Variants in MYT1L observed in about 807,000 individuals in gnomAD.
The protein encoded by MYT1L is myelin transcription factor 1 like.
MYT1L carries 12 observed loss-of-function variants against 126.7 expected under a neutral mutation model. That is an observed-to-expected ratio of 0.09 (90% CI 0.06 to 0.15). MYT1L has a LOEUF of 0.15. MYT1L is among the 10% of genes least tolerant of loss of function. The pLI is 1.00. For missense variants in MYT1L, 979 were observed against 1,585.2 expected, an observed-to-expected ratio of 0.62 and a Z score of 6.49; for synonymous variants, 541 against 604.2, an observed-to-expected ratio of 0.90 and a Z score of 1.53.
intron 3 of MYT1L, among the ~76,000 whole-genome samples, chr2:2,069,912 T>A (rs1021359679): frequency 7.3e-5 from 11 of 150,102 alleles, no homozygotes; most frequent in Non-Finnish European, 1.5e-4. Context: ...CACTTTTTGA[T>A]GGGGTTGTTT....
At chr2:2,299,422 G>C (rs2095750188) in intron 1 of MYT1L, among the ~76,000 whole-genome samples, 1 of 152,244 alleles carries the variant, frequency 6.6e-6, no homozygotes, top group Non-Finnish European at 1.5e-5. Flanking sequence ...GTTCGAACTG[G>C]TGTGGGCAGG....
At chr2:2,311,306 C>T (rs1192974727) in intron 1 of MYT1L, among the ~76,000 whole-genome samples, 1 of 152,180 alleles carries the variant, frequency 6.6e-6, no homozygotes, top group Non-Finnish European at 1.5e-5. Context: ...TGTGTGTGTC[C>T]AACTTGGATA....
intron 21 of MYT1L, among the ~76,000 whole-genome samples, chr2:1,818,022 A>T (rs1440475806): frequency 6.6e-6 from 1 of 152,162 alleles, no homozygotes; most frequent in Non-Finnish European, 1.5e-5. Context: ...AGCACCAGGG[A>T]TTCCAGATGA....
At chr2:2,326,472 C>G (rs776995120) in intron 1 of MYT1L, 1 of 152,242 alleles carries the variant, frequency 6.6e-6, no homozygotes. Context: ...CCACTGCAGT[C>G]TGAAAGCAAG....
chr2:2,329,977 T>C (rs1227952512), intron 1 of MYT1L, among the ~76,000 whole-genome samples: 1 of 152,124 alleles, frequency 6.6e-6, no homozygotes, highest in Non-Finnish European at 1.5e-5. Context: ...TGCTGTTTTT[T>C]TTTTTGAAAA....
chr2:2,046,633 C>T (rs1465845956), intron 4 of MYT1L, among the ~76,000 whole-genome samples: 2 of 152,210 alleles, frequency 1.3e-5, no homozygotes, highest in East Asian at 1.9e-4. Flanking sequence ...ACCAGTAGCT[C>T]GTCCCGGGTG....
intron 8 of MYT1L, among the ~76,000 whole-genome samples, chr2:1,952,825 C>CT (rs2057957785): frequency 1.2e-5 from 1 of 86,700 alleles, no homozygotes. Context: ...TCCTCTCTCC[C>CT]TCCCTCCTTC....
At chr2:1,827,099 A>G (rs2039468430) in intron 21 of MYT1L, 1 of 152,356 alleles carries the variant, frequency 6.6e-6, no homozygotes, top group African/African-American at 2.4e-5. Flanking sequence ...GCCTGGACAC[A>G]GCGCAGCAAC....
intron 9 of MYT1L, among the ~76,000 whole-genome samples, chr2:1,931,302 T>G (rs1018449379): frequency 2.6e-5 from 4 of 152,228 alleles, no homozygotes; most frequent in South Asian, 2.1e-4. Context: ...TCACGTCTGC[T>G]GGGCCTTGCA....
intron 21 of MYT1L, among the ~76,000 whole-genome samples, chr2:1,813,135 T>C (rs2036958218): frequency 6.6e-6 from 1 of 152,148 alleles, no homozygotes; most frequent in Admixed American, 6.5e-5. Flanking sequence ...CTTTCGACTT[T>C]CCCTGTGTTT....
intron 4 of MYT1L, among the ~76,000 whole-genome samples, chr2:2,013,802 C>T (rs2064079899): frequency 6.6e-6 from 1 of 152,256 alleles, no homozygotes; most frequent in Non-Finnish European, 1.5e-5. Flanking sequence ...TAACACAAAG[C>T]ACCCATGTGG....
chr2:2,037,553 T>A (rs2067001523), intron 4 of MYT1L, among the ~76,000 whole-genome samples: 1 of 151,660 alleles, frequency 6.6e-6, no homozygotes, highest in South Asian at 2.1e-4. Flanking sequence ...GTCAGGAGTT[T>A]AAGACCAGCC....
rs895121406 is a variant in MYT1L at position 1,848,607 on chromosome 2, A to G, written c.2774+3034T>C. Among the ~76,000 whole-genome samples the G allele has an allele frequency of 6.6e-6, 1 of 152,160 alleles. No homozygotes were observed. Among genetic ancestry groups the G allele is most frequent in the African/African-American group, 2.4e-5 (1 of 41,434 alleles). On this transcript the variant is annotated intron_variant, in intron 19 of 24. Coordinates refer to ENST00000647738, the MANE Select transcript of MYT1L (RefSeq NM_001303052.2). This position sits in a 1 kb window ranked among gnomAD's most constrained non-coding sequence, Gnocchi z 4.8. ...ATCTTCCTGTTCCTGGGAAACAGACAATAGAAGATTAACATGAAAAGAAGT... is the reference window on the plus strand; with the variant it reads ...ATCTTCCTGTTCCTGGGAAACAGACGATAGAAGATTAACATGAAAAGAAGT...
At chr2:1,832,624 G>T in intron 21 of MYT1L, among the ~76,000 whole-genome samples, 1 of 152,282 alleles carries the variant, frequency 6.6e-6, no homozygotes, top group Non-Finnish European at 1.5e-5. Flanking sequence ...ACGGCTCAAC[G>T]TGTCTGCCTG....
intron 3 of MYT1L, among the ~76,000 whole-genome samples, chr2:2,166,770 GCCTTTC>G (rs1486741913): frequency 1.3e-5 from 2 of 152,160 alleles, no homozygotes; most frequent in African/African-American, 4.8e-5. Context: ...CCCTCAACCT[GCCTTTC>G]CCTTTAGTAA....
intron 1 of MYT1L, among the ~76,000 whole-genome samples, chr2:2,312,995 C>T (rs1279779219): frequency 6.6e-6 from 1 of 151,834 alleles, no homozygotes; most frequent in Non-Finnish European, 1.5e-5. Context: ...GCAGAGGATT[C>T]AAAAATTGTC....
intron 8 of MYT1L, among the ~76,000 whole-genome samples, chr2:1,969,272 C>T (rs1417379935): frequency 6.6e-6 from 1 of 152,202 alleles, no homozygotes; most frequent in Non-Finnish European, 1.5e-5. Context: ...TATGCGGACC[C>T]CAGGTCTGTG....
intron 1 of MYT1L, among the ~76,000 whole-genome samples, chr2:2,291,059 G>GT (rs1313396300): frequency 6.8e-6 from 1 of 146,176 alleles, no homozygotes; most frequent in African/African-American, 2.5e-5. Flanking sequence ...GAAAGGCTAG[G>GT]TAAAAAAAAA....
At chr2:1,911,917 C>T (rs559037948) in intron 12 of MYT1L, 103 bp downstream of exon 12, 75 of 845,990 alleles carry the variant, frequency 8.9e-5, no homozygotes, top group African/African-American at 2.9e-4. Flanking sequence ...TTGGGGAGCA[C>T]GGTGGGGAGC....
Sources: gnomAD v4.1 joint callset for allele counts (sites outside exome capture counted in the v4.1 genomes callset) on GRCh38, gnomAD v4.1.1 for gene constraint, Gnocchi (gnomAD v3.1) non-coding constraint, MANE v1.5 for transcripts, NCBI Gene and HGNC (gene_info 2026-07-23, HGNC 2026-07-21) for gene names.